The following RWDD4 variants were observed in gnomAD, a reference collection of about 807,000 sequenced individuals.
RWDD4 encodes RWD domain-containing protein 4.
RWDD4 carries 16 observed loss-of-function variants against 30.0 expected under a neutral mutation model. The observed-to-expected ratio is 0.53, with a 90% CI of 0.36 to 0.81. The LOEUF (loss-of-function observed/expected upper bound fraction) is 0.81. RWDD4 is among the 30% of genes least tolerant of loss of function. The pLI is 0.00. For synonymous variants in RWDD4, 45 were observed against 72.1 expected, an observed-to-expected ratio of 0.62 and a Z score of 1.90; for missense variants, 170 against 223.9, an observed-to-expected ratio of 0.76 and a Z score of 1.54.
chr4:183,652,479 G>C (rs1483636100), intron 2 of RWDD4, among the ~76,000 whole-genome samples: 1 of 149,064 alleles, frequency 6.7e-6, no homozygotes, highest in African/African-American at 2.5e-5. Flanking sequence ...CTGGGCGACA[G>C]AGCAAGAGTC....
intron 2 of RWDD4, among the ~76,000 whole-genome samples, chr4:183,652,834 C>G (rs1208001373): frequency 6.6e-6 from 1 of 151,674 alleles, no homozygotes; most frequent in Non-Finnish European, 1.5e-5. Context: ...GAAAGAAATC[C>G]TCCCACCTCA....
chr4:183,650,553 A>G (rs1025802268), intron 4 of RWDD4, among the ~76,000 whole-genome samples: 14 of 151,934 alleles, frequency 9.2e-5, no homozygotes, highest in Non-Finnish European at 1.0e-4. Flanking sequence ...TTTCTATTCA[A>G]TAAAGTTTCC....
chr4:183,655,334 C>T (rs577257287), intron 2 of RWDD4, among the ~76,000 whole-genome samples: 9 of 151,110 alleles, frequency 6.0e-5, no homozygotes, highest in East Asian at 3.9e-4. Flanking sequence ...CTCGCTCTGT[C>T]GCAGTGGCTT....
intron 2 of RWDD4, among the ~76,000 whole-genome samples, chr4:183,655,536 G>T (rs895289372): frequency 3.3e-5 from 5 of 152,020 alleles, no homozygotes; most frequent in Non-Finnish European, 5.9e-5. Flanking sequence ...CGCCCACCTT[G>T]GCCTCCCAAA....
rs77056529 is a variant in RWDD4, at chr4:183,654,133, G to A, written c.105+1748C>T. Among the ~76,000 whole-genome samples the A allele has an allele frequency of 1.3e-3, 198 of 152,258 alleles. 4 individuals are homozygous for A. In the East Asian group the frequency reaches 0.029, roughly 23 times the overall value. On this transcript the variant is annotated intron_variant, in intron 2 of 7. Transcript: ENST00000326397. ...AGTACTAGAAAAAAATACACGGGGG[G>A]AAATGTCACAACCCATTATGTCTAA... is the stretch of plus-strand genomic sequence containing the variant.
intron 6 of RWDD4, 47 bp downstream of exon 6, chr4:183,646,441 G>C: frequency 1.9e-6 from 3 of 1,597,690 alleles, no homozygotes; most frequent in Non-Finnish European, 2.6e-6. Flanking sequence ...TTATTTGCTG[G>C]TAATAATTGT....
chr4:183,658,056 G>A (rs181636107), intron 1 of RWDD4, among the ~76,000 whole-genome samples: 7 of 152,302 alleles, frequency 4.6e-5, no homozygotes. Flanking sequence ...AATTCACCCG[G>A]CAAGAATATT....
intron 7 of RWDD4, among the ~76,000 whole-genome samples, chr4:183,644,270 G>C (rs1198242857): frequency 6.6e-6 from 1 of 152,232 alleles, no homozygotes; most frequent in African/African-American, 2.4e-5. Context: ...AGTGGAGAAA[G>C]TCCTGGGAAA....
chr4:183,644,660 T>G (rs915924357), intron 7 of RWDD4, among the ~76,000 whole-genome samples: 2 of 151,818 alleles, frequency 1.3e-5, no homozygotes, highest in South Asian at 2.1e-4. Context: ...ATGCCTGTAG[T>G]CCTAGCTACT....
chr4:183,657,554 A>T (rs1335538812), intron 1 of RWDD4, among the ~76,000 whole-genome samples: 2 of 152,216 alleles, frequency 1.3e-5, no homozygotes, highest in East Asian at 3.8e-4. Context: ...AGATACCTAA[A>T]TGTAGAAGTT....
At position 183,651,052 on chromosome 4, in the gene RWDD4, T is replaced by C. The variant is rs1425649106; in HGVS notation, c.295A>G (p.Thr99Ala). Residue 99 changes from threonine (T) to alanine (A), a missense_variant, in exon 4 of 8, where the codon ACA becomes GCA. Coordinates refer to ENST00000326397, the MANE Select transcript of RWDD4 (RefSeq NM_152682.4). ...TTGTCTTTGGCATATTCAAACAATG[T>C]ATAGGTCATAGCGGTTCCAAGATTA... ...EANLGTAMTY[T>A]LFEYAKDNKE... The C allele has an allele frequency of 1.9e-6, 3 of 1,613,696 alleles. No homozygotes were observed. Among genetic ancestry groups the C allele is most frequent in the Non-Finnish European group, 2.5e-6 (3 of 1,179,948 alleles).
intron 6 of RWDD4, 52 bp from the exon 7 acceptor site, chr4:183,646,405 G>C: frequency 6.4e-7 from 1 of 1,567,724 alleles, no homozygotes; most frequent in Non-Finnish European, 8.7e-7. Context: ...AGGTTGTGAA[G>C]GGGAAAACAA....
chr4:183,649,738 T>C (rs6552694), intron 4 of RWDD4, among the ~76,000 whole-genome samples, 170 bp from the exon 5 acceptor site: 38,918 of 152,134 alleles, frequency 0.26, 6,116 homozygotes, highest in African/African-American at 0.44. Flanking sequence ...TTATTGGTTT[T>C]ACTCTTTTAA....
At chr4:183,646,139 G>A (rs1422495469) in intron 7 of RWDD4, among the ~76,000 whole-genome samples, 1 of 152,076 alleles carries the variant, frequency 6.6e-6, no homozygotes, top group African/African-American at 2.4e-5. Flanking sequence ...CCTGACCTCA[G>A]GTGATCCAAC....
intron 1 of RWDD4, among the ~76,000 whole-genome samples, chr4:183,657,836 G>A (rs953976888): frequency 2.0e-5 from 3 of 152,186 alleles, no homozygotes; most frequent in African/African-American, 7.2e-5. Flanking sequence ...TCATCTGAAA[G>A]AAGAATGAAA....
chr4:183,650,159 C>T (rs188699977), intron 4 of RWDD4, among the ~76,000 whole-genome samples: 1 of 152,246 alleles, frequency 6.6e-6, no homozygotes, highest in East Asian at 1.9e-4. Context: ...ACTATATAAC[C>T]CCCATTTGAC....
chr4:183,646,295 TA>T, intron 7 of RWDD4, 55 bp downstream of exon 7: 1 of 794,222 alleles, frequency 1.3e-6, no homozygotes, highest in Non-Finnish European at 2.2e-6. Flanking sequence ...AAAAAAGATC[TA>T]AAATTGAGAG....
chr4:183,652,713 G>A (rs542793605), intron 2 of RWDD4, among the ~76,000 whole-genome samples: 33 of 151,938 alleles, frequency 2.2e-4, no homozygotes, highest in African/African-American at 6.8e-4. Flanking sequence ...AGGAGGCTGA[G>A]GCAGGAGAAT....
rs60632941 is a variant in RWDD4, at chr4:183,652,501, T to TA, written c.106-1175dup. Among the ~76,000 whole-genome samples the TA allele has an allele frequency of 2.4e-3, 363 of 148,780 alleles. 1 individual carries two copies. The highest frequency in any genetic ancestry group is 7.2e-3 in the African/African-American group (291 of 40,630). Reference sequence around the variant, plus strand: ...ACAGAGCAAGAGTCTGTGGCAAAAGTAAAAAAAAATAAAATAAAAAAAGAA... The same window carrying TA: ...ACAGAGCAAGAGTCTGTGGCAAAAGTAAAAAAAAAATAAAATAAAAAAAGAA... On this transcript the variant is annotated intron_variant, in intron 2 of 7. Transcript: ENST00000326397.
Sources: allele counts gnomAD v4.1 joint callset (sites outside exome capture counted in the v4.1 genomes callset), GRCh38; gene constraint gnomAD v4.1.1; transcripts MANE v1.5; gene names NCBI Gene and HGNC (gene_info 2026-07-23, HGNC 2026-07-21).